The following CROCC variants were observed in gnomAD, a reference collection of about 807,000 sequenced individuals.
CROCC encodes the protein rootletin.
CROCC carries 180 observed loss-of-function variants against 245.2 expected under a neutral mutation model. The ratio of observed to expected loss-of-function variants is 0.73; its 90% CI spans 0.65 to 0.83. CROCC has a LOEUF of 0.83. CROCC is among the 40% of genes least tolerant of loss of function. The pLI is 0.00. For missense variants in CROCC, 2,688 were observed against 2,779.4 expected (o/e 0.97, Z 0.74); for synonymous variants, 1,205 against 1,241.6 (o/e 0.97, Z 0.62).
At chr1:16,961,178 A>G in intron 27 of CROCC, 48 bp downstream of exon 27, 1 of 1,273,682 alleles carries the variant, frequency 7.9e-7, no homozygotes, top group Non-Finnish European at 9.9e-7. Context: ...GGCGGGCCGC[A>G]CTGAGGCCCC....
chr1:16,914,373 C>G (rs189877207), intron 1 of CROCC, among the ~76,000 whole-genome samples: 202 of 152,312 alleles, frequency 1.3e-3, no homozygotes, highest in African/African-American at 4.5e-3. Context: ...GGGGGCACGA[C>G]AGGAGACTGG....
rs1194960299 is a variant in CROCC, at chr1:16,929,978, T to C, written c.484T>C (p.Tyr162His). 2.5e-6 allele frequency: 4 copies of C among 1,587,854 alleles called. No individual in the cohort carries two copies. In the East Asian group the frequency reaches 9.0e-5, roughly 36 times the overall value. Residue 162 changes from tyrosine to histidine, a missense_variant, in exon 4 of 37, where the codon TAC becomes CAC. Tyr to His is a moderately conservative substitution (Grantham distance 83, BLOSUM62 2). Coordinates refer to ENST00000375541, the MANE Select transcript of CROCC (RefSeq NM_014675.5). ...QASYRRKLQAYQEGQQRQAQL... is the reference protein window; with the variant it reads ...QASYRRKLQAHQEGQQRQAQL... ...CTCCTACCGGCGCAAGCTGCAGGCC[T>C]ACCAGGAGGGCCAGCAGCGGCAGGC...
chr1:16,935,825 G>T (rs1490531767), intron 8 of CROCC, among the ~76,000 whole-genome samples: 1 of 152,284 alleles, frequency 6.6e-6, no homozygotes, highest in Non-Finnish European at 1.5e-5. Context: ...TTGTCACCAG[G>T]ATTTCTTACA....
chr1:16,935,745 A>G (rs1480917416), intron 8 of CROCC, among the ~76,000 whole-genome samples: 1 of 152,262 alleles, frequency 6.6e-6, no homozygotes, highest in Non-Finnish European at 1.5e-5. Context: ...TTTCTTGGCC[A>G]CAGAGTGTTC....
Position 16,960,756 on chromosome 1 carries a change from A to G in CROCC, c.4033-2A>G, listed in dbSNP as rs765993373. On this transcript the variant is annotated splice_acceptor_variant, in intron 26 of 36. Coordinates refer to ENST00000375541, the MANE Select transcript of CROCC (RefSeq NM_014675.5). LOFTEE classifies it high-confidence loss of function. ...GACCTCCACCTCCTGGCATCACTCC[A>G]GCTCCAGGTAGCCCAGCGGAAGCTG... The G allele has an allele frequency of 7.3e-5, 111 of 1,524,796 alleles. No individual in the cohort carries two copies. The highest frequency in any genetic ancestry group is 9.6e-5 in the Non-Finnish European group (110 of 1,141,986). The allele number at this position is 1,524,796 out of a possible 1,614,324, so 94.5% of individuals were successfully genotyped here.
intron 32 of CROCC, 94 bp from the exon 33 acceptor site, chr1:16,969,691 T>G: frequency 6.7e-7 from 1 of 1,501,214 alleles, no homozygotes; most frequent in Non-Finnish European, 8.9e-7. Flanking sequence ...TGACTGCCTG[T>G]TTTATGCTCT....
At chr1:16,922,441 T>G (rs1050546997) in intron 1 of CROCC, among the ~76,000 whole-genome samples, 7 of 152,244 alleles carry the variant, frequency 4.6e-5, no homozygotes, top group Non-Finnish European at 1.0e-4. Context: ...ACCCGTAGGG[T>G]TTGGTTCTCA....
chr1:16,961,280 G>A (rs1035599508), intron 27 of CROCC, 150 bp downstream of exon 27: 4 of 803,266 alleles, frequency 5.0e-6, no homozygotes, highest in Admixed American at 4.6e-5. Flanking sequence ...TCTTAGCCCC[G>A]TCCCCTCACC....
chr1:16,914,112 A>G (rs1438819765), intron 1 of CROCC, among the ~76,000 whole-genome samples: 2 of 151,446 alleles, frequency 1.3e-5, no homozygotes, highest in Admixed American at 1.3e-4. Context: ...CCTCGGCAGC[A>G]GCGGCTGCGG....
In CROCC at chr1:16,944,151, G is replaced by T. The variant is rs1268138257; in HGVS notation, c.1860G>T (p.Glu620Asp). ...TGCAGGTGGCCCAGCAGCAGGCCGA[G>T]GAGCTGCGGCAGGAGCGGGAGAAGC... Reference protein sequence around the residue: ...HSLQVAQQQAEELRQEREKLQ... With the variant: ...HSLQVAQQQADELRQEREKLQ... The change falls in exon 14 of 37, where the codon GAG becomes GAT. Residue 620 changes from glutamate (E) to aspartate (D), a missense_variant. By Grantham distance (45) the Glu-to-Asp change is conservative. Coordinates refer to ENST00000375541, the MANE Select transcript of CROCC (RefSeq NM_014675.5). The T allele has an allele frequency of 1.9e-6, 3 of 1,560,318 alleles. No individual in the cohort carries two copies. Among genetic ancestry groups the T allele is most frequent in the Non-Finnish European group, 2.6e-6 (3 of 1,151,912 alleles).
At chr1:16,967,470 C>T (rs1013512766) in intron 30 of CROCC, among the ~76,000 whole-genome samples, 2 of 152,186 alleles carry the variant, frequency 1.3e-5, no homozygotes, top group Non-Finnish European at 2.9e-5. Flanking sequence ...TGGCCATGGG[C>T]CCAGCCGCAG....
At chr1:16,914,240 G>C (rs1448385736) in intron 1 of CROCC, among the ~76,000 whole-genome samples, 1 of 152,120 alleles carries the variant, frequency 6.6e-6, no homozygotes, top group African/African-American at 2.4e-5. Context: ...TACCGGGGCT[G>C]GGGGCGCTGT....
rs143034867 is a variant in CROCC at position 16,930,315 on chromosome 1, C to T, written c.651C>T (p.Ser217=). Residue 217 remains serine (S), a synonymous_variant, in exon 6 of 37, where the codon AGC becomes AGT. Transcript: ENST00000375541. ...CAGAGCACAGCCAAGACCTGGAAAGCGCCCTCATCCGGCTGGAGGAGGAGC... is the reference window on the plus strand; with the variant it reads ...CAGAGCACAGCCAAGACCTGGAAAGTGCCCTCATCCGGCTGGAGGAGGAGC... The part of the protein sequence containing the change: ...RDTEHSQDLE[S]ALIRLEEEQQ... 2.5e-3 allele frequency: 4,066 copies of T among 1,605,822 alleles called. No individual in the cohort carries two copies. In the African/African-American group the frequency reaches 0.046, roughly 18 times the overall value.
chr1:16,945,344 G>A, intron 14 of CROCC, 118 bp from the exon 15 acceptor site: 2 of 1,470,140 alleles, frequency 1.4e-6, no homozygotes, highest in Non-Finnish European at 1.9e-6. Context: ...CTGTGGCTCA[G>A]GCTGTTTCTC....
chr1:16,968,897 C>T, intron 31 of CROCC: 3 of 634,028 alleles, frequency 4.7e-6, no homozygotes, highest in Non-Finnish European at 8.5e-6. Flanking sequence ...AGGTTGATGG[C>T]ACTCTGGGCA....
At chr1:16,951,191 C>T (rs997398624) in intron 20 of CROCC, 69 bp downstream of exon 20, 70 of 1,336,774 alleles carry the variant, frequency 5.2e-5, no homozygotes, top group Admixed American at 5.2e-4. Context: ...TGCTCTGCCT[C>T]GGTCTCTACA....
rs561004166 is a variant in CROCC at position 16,943,974 on chromosome 1, G to C, written c.1809-126G>C. Reference sequence around the variant, plus strand: ...GCCATGGACAGGGTGGTCAGGGAAGGCTTCCTGGAGGCAGGTGCCTTGGAA... The same window carrying C: ...GCCATGGACAGGGTGGTCAGGGAAGCCTTCCTGGAGGCAGGTGCCTTGGAA... On this transcript the variant is annotated intron_variant, in intron 13 of 36. Transcript: ENST00000375541. The C allele has an allele frequency of 9.8e-6, 10 of 1,020,322 alleles. No individual in the cohort carries two copies. In the African/African-American group the frequency reaches 1.6e-4, roughly 16 times the overall value. The allele number at this position is 1,020,322 out of a possible 1,614,324, so 63.2% of individuals were successfully genotyped here.
In CROCC at chr1:16,966,620, G is replaced by A. The variant is rs1297765796; in HGVS notation, c.4860+49G>A. 3.1e-5 allele frequency: 45 copies of A among 1,439,838 alleles called. No individual in the cohort carries two copies. The highest frequency in any genetic ancestry group is 1.8e-4 in the East Asian group (7 of 39,418). 89.2% of individuals were successfully genotyped at this position (1,439,838 alleles called of 1,614,324 possible). ...GGGGCGACGGGGAATCTGTGTACCC[G>A]AGTGAGTGTCTAACTCTTATGTGTG... On this transcript the variant is annotated intron_variant, in intron 30 of 36. Transcript: ENST00000375541. The surrounding 1 kb of genome is among the most constrained non-coding windows in gnomAD (Gnocchi z 4.8).
intron 13 of CROCC, among the ~76,000 whole-genome samples, chr1:16,940,380 T>C (rs1318553507): frequency 6.6e-6 from 1 of 151,510 alleles, no homozygotes; most frequent in African/African-American, 2.4e-5. Context: ...CCTGCCACCA[T>C]GCCGGGCTAA....
Sources: allele counts gnomAD v4.1 joint callset (sites outside exome capture counted in the v4.1 genomes callset), GRCh38; gene constraint gnomAD v4.1.1; non-coding constraint Gnocchi (gnomAD v3.1); transcripts MANE v1.5; gene names NCBI Gene and HGNC (gene_info 2026-07-23, HGNC 2026-07-21).